The following PDXDC1 variants were observed in gnomAD, a reference collection of about 807,000 sequenced individuals.
The protein encoded by PDXDC1 is pyridoxal dependent decarboxylase domain containing 1, also known as pyridoxal-dependent decarboxylase domain-containing protein 1.
In PDXDC1, 42 loss-of-function variants were observed where a neutral mutation model predicts 100.1. That is an observed-to-expected ratio of 0.42 (90% confidence interval 0.33 to 0.54). The LOEUF is 0.54. PDXDC1 is among the 20% of genes least tolerant of loss of function. PDXDC1 has a pLI of 0.10. For synonymous variants in PDXDC1, 260 were observed against 371.7 expected (o/e 0.70, Z 3.46); for missense variants, 636 against 979.2 (o/e 0.65, Z 4.68).
At chr16:15,039,550 G>T (rs376499292), downstream of PDXDC1, among the ~76,000 whole-genome samples, 1 of 152,102 alleles carries the variant, frequency 6.6e-6, no homozygotes, top group Admixed American at 6.6e-5. Flanking sequence ...ATTATTTTGG[G>T]TTAATTAAAT....
intron 13 of PDXDC1, among the ~76,000 whole-genome samples, chr16:15,023,951 T>C (rs1365996876): frequency 6.6e-6 from 1 of 152,286 alleles, no homozygotes; most frequent in Admixed American, 6.5e-5. Context: ...AAGCAAATTA[T>C]GGCCTAGATT....
At chr16:14,977,206 A>G (rs1481069806) in intron 1 of PDXDC1, among the ~76,000 whole-genome samples, 17 of 146,394 alleles carry the variant, frequency 1.2e-4, no homozygotes, top group African/African-American at 4.0e-4. Context: ...TGTGGGCTGG[A>G]GGTTTCTGCC....
intron 11 of PDXDC1, among the ~76,000 whole-genome samples, chr16:15,018,307 G>A (rs2041944250): frequency 6.6e-6 from 1 of 152,230 alleles, no homozygotes; most frequent in Admixed American, 6.5e-5. Context: ...TACTCATGAG[G>A]CTAATGTGGG....
At chr16:14,992,785 T>C (rs1389262556) in intron 1 of PDXDC1, among the ~76,000 whole-genome samples, 1 of 152,244 alleles carries the variant, frequency 6.6e-6, no homozygotes, top group Admixed American at 6.5e-5. Context: ...TCGCTTAACC[T>C]CTCTGCATCT....
At chr16:15,083,866 G>A (rs1005129499) in intron 16 of PDXDC1, 16 of 311,634 alleles carry the variant, frequency 5.1e-5, no homozygotes, top group Non-Finnish European at 7.3e-5. Flanking sequence ...ACAGGCATGC[G>A]CCACCATGCC....
Position 15,034,550 on chromosome 16 carries a change from G to T in PDXDC1, c.1999G>T (p.Ala667Ser), listed in dbSNP as rs962061961. The change falls in exon 21 of 23, where the codon GCA becomes TCA. Residue 667 changes from alanine to serine, a missense_variant. Physicochemically the swap from Ala to Ser is moderately conservative, Grantham distance 99. Transcript: ENST00000396410. ...GAAGGGAAGAACTTTTAACTTGACA[G>T]CAGGTAGGACGGCATAGCCTCTTCC... ...LQKGRTFNLT[A>S]GSLESTEPIY... 2 of 1,611,868 alleles carry T rather than the reference G, an allele frequency of 1.2e-6. No individual in the cohort carries two copies. The highest frequency in any genetic ancestry group is 1.7e-6 in the Non-Finnish European group (2 of 1,178,178).
At chr16:15,086,361 T>C (rs1357551168) in intron 16 of PDXDC1, 1 of 1,613,654 alleles carries the variant, frequency 6.2e-7, no homozygotes, top group East Asian at 2.2e-5. Context: ...AATGGTGAAC[T>C]TACTAATATA....
intron 16 of PDXDC1, chr16:15,125,715 G>C: frequency 7.1e-7 from 1 of 1,418,438 alleles, no homozygotes; most frequent in Non-Finnish European, 9.9e-7. Flanking sequence ...CTGAGAACGT[G>C]AGGAAGGAGC....
At position 15,036,062 on chromosome 16, in the gene PDXDC1, T is replaced by G; in HGVS notation, c.2154T>G (p.Ser718Arg). Reference sequence around the variant, plus strand: ...CCCTGCGAGGTTCAGATGCTTTGAGTGAGACCAGCTCAGTCAGTCACATTG... The same window carrying G: ...CCCTGCGAGGTTCAGATGCTTTGAGGGAGACCAGCTCAGTCAGTCACATTG... ...KRSLRGSDAL[S>R]ETSSVSHIED... The change falls in exon 23 of 23, where the codon AGT becomes AGG. Residue 718 changes from serine (S) to arginine (R), a missense_variant. Around this residue, in one of 4 missense-constraint regions of PDXDC1, gnomAD observed 452 missense variants for 402.9 expected, o/e 1.12. Transcript: ENST00000396410. 6.2e-7 allele frequency: 1 copy of G among 1,614,106 alleles called. No homozygotes were observed. Among genetic ancestry groups the G allele is most frequent in the Non-Finnish European group, 8.5e-7 (1 of 1,180,006 alleles).
chr16:15,040,871 G>A (rs2043785320), downstream of PDXDC1, among the ~76,000 whole-genome samples: 1 of 152,138 alleles, frequency 6.6e-6, no homozygotes, highest in African/African-American at 2.4e-5. Context: ...AGAAGTGAAT[G>A]TTATCTCAGT....
chr16:15,006,254 A>G, intron 5 of PDXDC1, 140 bp from the exon 6 acceptor site: 1 of 606,032 alleles, frequency 1.7e-6, no homozygotes, highest in Non-Finnish European at 2.8e-6. Flanking sequence ...TATGATGAGG[A>G]TGTTTCACAT....
At chr16:15,104,865 C>A in intron 16 of PDXDC1, 1 of 1,519,990 alleles carries the variant, frequency 6.6e-7, no homozygotes, top group Non-Finnish European at 8.8e-7. Context: ...GATTTTTGCA[C>A]CTTTCCATCC....
At position 15,101,091 on chromosome 16, in the gene PDXDC1, G is replaced by A. The variant is rs190979990; in HGVS notation, c.1400-37788G>A. Among the ~76,000 whole-genome samples, 870 of 152,280 alleles carry A rather than the reference G, an allele frequency of 5.7e-3. 10 individuals are homozygous for A. The highest frequency in any genetic ancestry group is 6.8e-3 in the Middle Eastern group (2 of 294). On this transcript the variant is annotated intron_variant, in intron 16 of 16. Coordinates refer to the PDXDC1 transcript ENST00000535621. ...TTCAATTTTCTTATGTACAAAATGG[G>A]AATAACTTTTTGAGCTATTTTAGAG...
chr16:15,127,414 G>C, intron 16 of PDXDC1: 1 of 1,420,322 alleles, frequency 7.0e-7, no homozygotes, highest in Non-Finnish European at 9.6e-7. Flanking sequence ...CTCTGGGCAT[G>C]GTGCCGAGGC....
intron 16 of PDXDC1, among the ~76,000 whole-genome samples, chr16:15,077,590 C>T (rs541535895): frequency 1.5e-4 from 23 of 152,288 alleles, no homozygotes; most frequent in South Asian, 2.1e-4. Flanking sequence ...GCCTGTAATC[C>T]GAGCTCTTTG....
intron 16 of PDXDC1, chr16:15,045,420 T>C (rs1181846563): frequency 6.6e-6 from 1 of 151,962 alleles, no homozygotes; most frequent in Non-Finnish European, 1.5e-5. Context: ...TGAGCCAAGA[T>C]TGCATCACTG....
intron 3 of PDXDC1, 79 bp downstream of exon 3, chr16:14,998,484 GC>G: frequency 1.3e-6 from 2 of 1,497,732 alleles, no homozygotes; most frequent in Non-Finnish European, 1.8e-6. Flanking sequence ...GTGCTCTGTT[GC>G]CCAGGATGGT....
chr16:15,104,590 G>A (rs1317278368), intron 16 of PDXDC1: 1 of 1,599,704 alleles, frequency 6.3e-7, no homozygotes, highest in East Asian at 2.2e-5. Context: ...AGGGGATAGA[G>A]CAGACACTCC....
intron 16 of PDXDC1, among the ~76,000 whole-genome samples, chr16:15,053,895 GAAC>G (rs2044394531): frequency 6.6e-6 from 1 of 152,140 alleles, no homozygotes; most frequent in South Asian, 2.1e-4. Context: ...CTGGGCCACA[GAAC>G]AAAACTAAGT....
Sources: allele counts gnomAD v4.1 joint callset (sites outside exome capture counted in the v4.1 genomes callset), GRCh38; gene constraint gnomAD v4.1.1; regional missense constraint gnomAD v4.1.1; transcripts MANE v1.5; gene names NCBI Gene and HGNC (gene_info 2026-07-23, HGNC 2026-07-21).